Variants in PTPRT observed in about 807,000 individuals in gnomAD.
PTPRT encodes the protein protein tyrosine phosphatase receptor type T, also known as receptor-type tyrosine-protein phosphatase T.
PTPRT carries 56 observed loss-of-function variants against 176.8 expected under a neutral mutation model. The observed-to-expected ratio is 0.32, with a 90% confidence interval of 0.26 to 0.40. The LOEUF (loss-of-function observed/expected upper bound fraction) is 0.40, where lower values mean the gene tolerates loss of function less well. PTPRT is among the 10% of genes least tolerant of loss of function. The probability of loss-of-function intolerance (pLI) is 1.00; values close to 1 mark genes in which losing one functional copy is unlikely to be tolerated. For missense variants in PTPRT, 1,540 were observed against 1,908.2 expected (o/e 0.81, Z 3.60); for synonymous variants, 783 against 739.0 (o/e 1.06, Z -0.96).
the PTPRT span, among the ~76,000 whole-genome samples, chr20:42,054,128 C>T: frequency 7.9e-5 from 12 of 152,134 alleles, no homozygotes; most frequent in African/African-American, 2.7e-4. Context: ...TGATGTTTCT[C>T]ATGGCCCAAC....
At chr20:42,229,871 A>G (rs1419961094) in intron 15 of PTPRT, among the ~76,000 whole-genome samples, 1 of 152,024 alleles carries the variant, frequency 6.6e-6, no homozygotes, top group East Asian at 1.9e-4. Flanking sequence ...TTTTCTTTTC[A>G]AGAACAGAGT....
chr20:42,331,357 C>A (rs1365497916), intron 11 of PTPRT, among the ~76,000 whole-genome samples: 1 of 151,898 alleles, frequency 6.6e-6, no homozygotes, highest in African/African-American at 2.4e-5. Flanking sequence ...CTGGATGTCT[C>A]CCCTTGCAAC....
At chr20:42,707,596 G>T (rs1293700044) in intron 6 of PTPRT, among the ~76,000 whole-genome samples, 4 of 152,166 alleles carry the variant, frequency 2.6e-5, no homozygotes, top group Admixed American at 1.3e-4. Context: ...CCGGCTAATA[G>T]CCAGCAAAGA....
intron 1 of PTPRT, among the ~76,000 whole-genome samples, chr20:42,958,957 TCGCTTAGTATTCC>T (rs1981832355): frequency 6.6e-6 from 1 of 152,240 alleles, no homozygotes; most frequent in South Asian, 2.1e-4. Context: ...CCCTCTGAAT[TCGCTTAGTATTCC>T]CACTGTCTGT....
intron 7 of PTPRT, among the ~76,000 whole-genome samples, chr20:42,579,341 C>T (rs1415483861): frequency 6.6e-6 from 1 of 152,076 alleles, no homozygotes; most frequent in Admixed American, 6.5e-5. Context: ...CAAGTCTTTG[C>T]TATTGTGAAT....
At chr20:42,386,433 G>A (rs184412852) in intron 9 of PTPRT, among the ~76,000 whole-genome samples, 1 of 152,178 alleles carries the variant, frequency 6.6e-6, no homozygotes, top group Non-Finnish European at 1.5e-5. Context: ...GATGAGGGAT[G>A]GTCTTAGGAC....
At chr20:43,119,304 C>T (rs761665852) in intron 1 of PTPRT, among the ~76,000 whole-genome samples, 70 of 152,252 alleles carry the variant, frequency 4.6e-4, no homozygotes, top group African/African-American at 1.6e-3. Flanking sequence ...ATTCTTTGAA[C>T]TCTTGGTTTT....
At chr20:42,467,997 C>T (rs962921853) in intron 8 of PTPRT, among the ~76,000 whole-genome samples, 4 of 152,108 alleles carry the variant, frequency 2.6e-5, no homozygotes, top group Non-Finnish European at 4.4e-5. Context: ...AAGGTGCAAG[C>T]GAACTGTGGT....
In PTPRT at chr20:43,116,479, C is replaced by G. The variant is rs552883503; in HGVS notation, c.88+73167G>C. Reference sequence around the variant, plus strand: ...ACACCAAAGCCCAAGAGTTATTTATCAGACATACCTTTGTGAAAATAAATA... The same window carrying G: ...ACACCAAAGCCCAAGAGTTATTTATGAGACATACCTTTGTGAAAATAAATA... On this transcript the variant is annotated intron_variant, in intron 1 of 30. Transcript: ENST00000373187. Among the ~76,000 whole-genome samples, 18 of 152,324 alleles carry G rather than the reference C, an allele frequency of 1.2e-4. No individual in the cohort carries two copies. The East Asian group carries it at 2.7e-3, about 23-fold the overall frequency.
chr20:42,461,372 T>C (rs551808918), intron 8 of PTPRT, among the ~76,000 whole-genome samples: 1 of 152,070 alleles, frequency 6.6e-6, no homozygotes, highest in South Asian at 2.1e-4. Flanking sequence ...AACAAATAAA[T>C]TAGCTGAGCA....
chr20:42,065,779 A>T, the PTPRT span, among the ~76,000 whole-genome samples: 1 of 152,230 alleles, frequency 6.6e-6, no homozygotes, highest in Non-Finnish European at 1.5e-5. Context: ...CTTTATGCCA[A>T]GAAGGAGTGG....
intron 1 of PTPRT, among the ~76,000 whole-genome samples, chr20:43,122,790 G>A (rs762389978): frequency 6.6e-6 from 1 of 152,188 alleles, no homozygotes; most frequent in Admixed American, 6.5e-5. Flanking sequence ...GTATAACTGT[G>A]AGCCAAATTA....
At chr20:42,284,315 T>C (rs560159385) in intron 12 of PTPRT, among the ~76,000 whole-genome samples, 5 of 152,176 alleles carry the variant, frequency 3.3e-5, no homozygotes, top group African/African-American at 1.2e-4. Flanking sequence ...AAAGTATTGG[T>C]TAGAAGCCTG....
At chr20:42,086,476 A>G (rs1983920688) in intron 27 of PTPRT, among the ~76,000 whole-genome samples, 1 of 151,904 alleles carries the variant, frequency 6.6e-6, no homozygotes, top group Admixed American at 6.6e-5. Context: ...GGAGAATAAT[A>G]TCTACCTCTA....
chr20:42,381,275 T>A (rs1199263194), intron 9 of PTPRT, among the ~76,000 whole-genome samples: 1 of 152,204 alleles, frequency 6.6e-6, no homozygotes, highest in African/African-American at 2.4e-5. Flanking sequence ...AAGTTAGGTA[T>A]GGCCAGATGA....
chr20:42,298,480 C>T (rs2145297217), intron 12 of PTPRT, among the ~76,000 whole-genome samples: 1 of 152,282 alleles, frequency 6.6e-6, no homozygotes, highest in South Asian at 2.1e-4. Flanking sequence ...TACAATTCCT[C>T]TTCTAGGAAT....
At chr20:42,620,661 C>G (rs949037516) in intron 7 of PTPRT, among the ~76,000 whole-genome samples, 1 of 152,194 alleles carries the variant, frequency 6.6e-6, no homozygotes, top group East Asian at 1.9e-4. Flanking sequence ...TTTTTTAAGC[C>G]GGTCTGAAAA....
intron 7 of PTPRT, among the ~76,000 whole-genome samples, chr20:42,634,032 T>TA (rs1555890282): frequency 1.8e-4 from 5 of 27,492 alleles, no homozygotes; most frequent in African/African-American, 9.0e-4. Flanking sequence ...AATATATATA[T>TA]TATATATATT....
intron 2 of PTPRT, among the ~76,000 whole-genome samples, chr20:42,796,201 C>T (rs540962169): frequency 1.3e-5 from 2 of 152,286 alleles, no homozygotes; most frequent in East Asian, 1.9e-4. Context: ...TAGCTAATAA[C>T]GCCATATGCC....
Sources: allele counts gnomAD v4.1 joint callset (sites outside exome capture counted in the v4.1 genomes callset), GRCh38; gene constraint gnomAD v4.1.1; transcripts MANE v1.5; gene names NCBI Gene and HGNC (gene_info 2026-07-23, HGNC 2026-07-21).